Variants in NDEL1 observed in about 807,000 individuals in gnomAD.
The protein encoded by NDEL1 is nudE neurodevelopment protein 1 like 1.
Under a neutral mutation model 45.7 loss-of-function variants are expected in NDEL1, and 9 were observed. That is an observed-to-expected ratio of 0.20 (90% CI 0.12 to 0.34). The LOEUF (loss-of-function observed/expected upper bound fraction) is 0.34. NDEL1 is among the 10% of genes least tolerant of loss of function. NDEL1 has a pLI of 1.00. For missense variants in NDEL1, 306 were observed against 406.2 expected, an observed-to-expected ratio of 0.75 and a Z score of 2.12; for synonymous variants, 133 against 158.6, an observed-to-expected ratio of 0.84 and a Z score of 1.21.
rs17852346 is a variant in NDEL1 at position 8,466,951 on chromosome 17, C to T, written c.966C>T (p.Pro322=). ...ACAGGGCAGTAAACGGCTTTGACCC[C>T]GCTCCTCCTCCTCCTGGTCTGGGCT... ...FDKGAVNGFD[P]APPPPGLGSS... The change falls in exon 9 of 9, where the codon CCC becomes CCT. Residue 322 remains proline, a synonymous_variant. Coordinates refer to ENST00000334527, the MANE Select transcript of NDEL1 (RefSeq NM_030808.5). 48 of 1,614,216 alleles carry T rather than the reference C, an allele frequency of 3.0e-5. 1 individual carries two copies. The highest frequency in any genetic ancestry group is 2.3e-4 in the South Asian group (21 of 91,088).
rs1270957174 is a variant in NDEL1, at chr17:8,424,809, TG to T, written c.-13+11541del. Among the ~76,000 whole-genome samples, 6 of 152,208 alleles carry T rather than the reference TG, an allele frequency of 3.9e-5. No individual in the cohort carries two copies. In the East Asian group the frequency reaches 7.7e-4, roughly 20 times the overall value. On this transcript the variant is annotated intron_variant, in intron 1 of 4. Coordinates refer to the NDEL1 transcript ENST00000582812. ...GTGAGCCACCGCGCCCACAGCCCTT[TG>T]TTTTTTTAATATAAAGTTTTTATTC...
At chr17:8,459,228 G>C (rs995715641) in intron 7 of NDEL1, among the ~76,000 whole-genome samples, 1 of 152,134 alleles carries the variant, frequency 6.6e-6, no homozygotes, top group African/African-American at 2.4e-5. Flanking sequence ...GGAGAAGGAG[G>C]GGTTTGATTT....
At chr17:8,444,955 G>A (rs1909987457) in intron 2 of NDEL1, 1 of 152,144 alleles carries the variant, frequency 6.6e-6, no homozygotes, top group Admixed American at 6.5e-5. Context: ...GGTTAACAGA[G>A]TTTACTAAGT....
At chr17:8,459,604 T>C (rs150970492) in intron 7 of NDEL1, among the ~76,000 whole-genome samples, 95 of 151,942 alleles carry the variant, frequency 6.3e-4, no homozygotes, top group African/African-American at 2.2e-3. Flanking sequence ...AATTCTCAAG[T>C]GATATTTTTG....
chr17:8,463,233 G>A, intron 8 of NDEL1: 2 of 1,019,426 alleles, frequency 2.0e-6, no homozygotes, highest in Non-Finnish European at 3.1e-6. Flanking sequence ...TTTGGGCTGT[G>A]TGTAGGTGGG....
chr17:8,456,511 T>C (rs1910856553), intron 7 of NDEL1, among the ~76,000 whole-genome samples: 1 of 148,712 alleles, frequency 6.7e-6, no homozygotes, highest in Non-Finnish European at 1.5e-5. Flanking sequence ...TTTTTTTTTT[T>C]TTTTGAGAAC....
At chr17:8,458,562 G>GTA (rs1455354062) in intron 7 of NDEL1, among the ~76,000 whole-genome samples, 1 of 151,948 alleles carries the variant, frequency 6.6e-6, no homozygotes, top group African/African-American at 2.4e-5. Flanking sequence ...GTGTGTGTGT[G>GTA]TGTGTGTAGC....
At chr17:8,424,614 G>A (rs556763716) in intron 1 of NDEL1, among the ~76,000 whole-genome samples, 1 of 152,324 alleles carries the variant, frequency 6.6e-6, no homozygotes, top group African/African-American at 2.4e-5. Context: ...CCATTCTCCT[G>A]CCTCAGCCTC....
At chr17:8,435,657 T>A (rs1219022986), upstream of NDEL1, among the ~76,000 whole-genome samples, 1 of 152,230 alleles carries the variant, frequency 6.6e-6, no homozygotes, top group Non-Finnish European at 1.5e-5. Flanking sequence ...AATAGCAGTT[T>A]CAGGGAACTG....
chr17:8,414,552 A>G (rs370239854), intron 1 of NDEL1, among the ~76,000 whole-genome samples: 19 of 152,170 alleles, frequency 1.2e-4, no homozygotes, highest in African/African-American at 4.1e-4. Flanking sequence ...CTGTAGTCCC[A>G]GCTACCCGGG....
chr17:8,446,926 T>TAGAA, intron 4 of NDEL1, 24 bp downstream of exon 4: 5 of 1,607,474 alleles, frequency 3.1e-6, no homozygotes, highest in Non-Finnish European at 4.2e-6. Flanking sequence ...TGCATTTTGT[T>TAGAA]AGAAAAAAAC....
chr17:8,432,315 ATAT>A (rs1267755451), upstream of NDEL1: 1 of 125,228 alleles, frequency 8.0e-6, no homozygotes, highest in African/African-American at 2.8e-5. Flanking sequence ...ATATATATAT[ATAT>A]TTATATATAA....
intron 1 of NDEL1, among the ~76,000 whole-genome samples, chr17:8,416,738 A>T (rs146301688): frequency 1.6e-3 from 246 of 152,208 alleles, no homozygotes; most frequent in Middle Eastern, 3.4e-3. Flanking sequence ...ATTATCTTAA[A>T]ATAATTCCTT....
At chr17:8,466,703 A>C (rs1911617101) in intron 8 of NDEL1, 1 of 567,370 alleles carries the variant, frequency 1.8e-6, no homozygotes, top group Admixed American at 3.3e-5. Flanking sequence ...AGTGTGCGGC[A>C]GTTGCCAAAC....
chr17:8,425,834 C>T (rs1908818329), intron 1 of NDEL1, among the ~76,000 whole-genome samples: 1 of 151,536 alleles, frequency 6.6e-6, no homozygotes, highest in South Asian at 2.1e-4. Context: ...CTCTGTTACC[C>T]AGGCAACCAA....
chr17:8,435,816 C>G (rs1315741205), upstream of NDEL1: 5 of 440,994 alleles, frequency 1.1e-5, no homozygotes, highest in Admixed American at 9.6e-5. Flanking sequence ...CCCCGCATAC[C>G]CGTGCGCTGC....
In NDEL1 at chr17:8,445,659, A is replaced by T. The variant is rs970162293; in HGVS notation, c.87-52A>T. 8.3e-6 allele frequency: 13 copies of T among 1,561,746 alleles called. No homozygotes were observed. In the Admixed American group the frequency reaches 1.7e-4, roughly 20 times the overall value. ...ATTGCTCTATAATCACCTCCAAGAC[A>T]ATCCTTGTGGTTCTTAGTGTAACTC... On this transcript the variant is annotated intron_variant, in intron 2 of 8. Coordinates refer to ENST00000334527, the MANE Select transcript of NDEL1 (RefSeq NM_030808.5).
intron 8 of NDEL1, among the ~76,000 whole-genome samples, chr17:8,460,489 T>G (rs952577821): frequency 6.6e-6 from 1 of 152,162 alleles, no homozygotes; most frequent in Non-Finnish European, 1.5e-5. Context: ...AATATTTTTT[T>G]GGGGTAGAAG....
At chr17:8,427,307 T>C (rs576349177) in intron 1 of NDEL1, among the ~76,000 whole-genome samples, 1 of 151,998 alleles carries the variant, frequency 6.6e-6, no homozygotes, top group African/African-American at 2.4e-5. Flanking sequence ...TATTCCTGGG[T>C]ATAGGAATAG....
Sources: allele counts gnomAD v4.1 joint callset (sites outside exome capture counted in the v4.1 genomes callset), GRCh38; gene constraint gnomAD v4.1.1; transcripts MANE v1.5; gene names NCBI Gene and HGNC (gene_info 2026-07-23, HGNC 2026-07-21).